The following ASTN2 variants were observed in gnomAD, a reference collection of about 807,000 sequenced individuals.
ASTN2 encodes the protein astrotactin 2, also known as astrotactin-2.
A neutral mutation model predicts 139.8 loss-of-function variants in ASTN2; 54 were observed. The ratio of observed to expected loss-of-function variants is 0.39; its 90% CI spans 0.31 to 0.48. ASTN2 has a LOEUF of 0.48. ASTN2 is among the 20% of genes least tolerant of loss of function. ASTN2 has a pLI of 0.95. For synonymous variants in ASTN2, 756 were observed against 719.5 expected (o/e 1.05, Z -0.81); for missense variants, 1,565 against 1,725.1 (o/e 0.91, Z 1.64).
intron 3 of ASTN2, among the ~76,000 whole-genome samples, chr9:117,165,781 A>C (rs189459838): frequency 2.2e-4 from 33 of 152,228 alleles, no homozygotes; most frequent in African/African-American, 7.7e-4. Flanking sequence ...TCTACTGTCC[A>C]TGTCTATCAA....
chr9:116,511,108 T>A (rs1850355689), intron 19 of ASTN2, among the ~76,000 whole-genome samples: 1 of 152,218 alleles, frequency 6.6e-6, no homozygotes, highest in South Asian at 2.1e-4. Context: ...CTTCCATTTT[T>A]TGCCCATTCA....
chr9:117,186,269 G>A (rs966308306), intron 3 of ASTN2, among the ~76,000 whole-genome samples: 5 of 152,192 alleles, frequency 3.3e-5, no homozygotes, highest in East Asian at 3.9e-4. Flanking sequence ...AATCCTGGCC[G>A]GGCGCGGTGG....
chr9:117,020,139 A>T (rs1288182621), intron 6 of ASTN2, among the ~76,000 whole-genome samples: 1 of 151,658 alleles, frequency 6.6e-6, no homozygotes, highest in Non-Finnish European at 1.5e-5. Context: ...AGGAATAGGA[A>T]AGAGGGTATA....
At chr9:116,477,185 A>G (rs1047067080) in intron 20 of ASTN2, among the ~76,000 whole-genome samples, 1 of 152,050 alleles carries the variant, frequency 6.6e-6, no homozygotes, top group Non-Finnish European at 1.5e-5. Context: ...TAGGAGCCTC[A>G]CTGTCTGTCG....
intron 13 of ASTN2, among the ~76,000 whole-genome samples, chr9:116,774,242 G>T (rs1038291462): frequency 6.6e-6 from 1 of 152,074 alleles, no homozygotes; most frequent in African/African-American, 2.4e-5. Context: ...TTGTACATGA[G>T]GACTCTGGAG....
chr9:116,884,816 C>T (rs1437758156), intron 10 of ASTN2, among the ~76,000 whole-genome samples: 1 of 134,938 alleles, frequency 7.4e-6, no homozygotes, highest in Non-Finnish European at 1.6e-5. Flanking sequence ...CCCCCCCCAC[C>T]CACTTTTTTT....
rs746325953 is a variant in ASTN2 at position 117,227,359 on chromosome 9, T to C, written c.631-12617A>G. Among the ~76,000 whole-genome samples the C allele has an allele frequency of 7.7e-4, 117 of 152,236 alleles. 1 individual carries two copies. Among genetic ancestry groups the C allele is most frequent in the Non-Finnish European group, 1.5e-4 (10 of 68,038 alleles). ...TTAATAGAATGGAGCTTCCATAATGTAGGGCCTTTTGTTTTGTTCATTACT... is the reference window on the plus strand; with the variant it reads ...TTAATAGAATGGAGCTTCCATAATGCAGGGCCTTTTGTTTTGTTCATTACT... On this transcript the variant is annotated intron_variant, in intron 2 of 22. Coordinates refer to ENST00000313400, the MANE Select transcript of ASTN2 (RefSeq NM_001365068.1).
intron 4 of ASTN2, among the ~76,000 whole-genome samples, chr9:117,121,453 A>C (rs182116827): frequency 2.0e-5 from 3 of 152,210 alleles, no homozygotes; most frequent in Non-Finnish European, 2.9e-5. Context: ...CCAGGAAGGA[A>C]GCAGAATGCT....
chr9:116,446,223 G>C (rs1469029479), intron 20 of ASTN2, among the ~76,000 whole-genome samples: 1 of 150,076 alleles, frequency 6.7e-6, no homozygotes, highest in Non-Finnish European at 1.5e-5. Context: ...GCCAGGGACA[G>C]AGAGAGACAG....
chr9:116,442,773 A>C (rs1174322366), intron 20 of ASTN2, among the ~76,000 whole-genome samples: 2 of 152,262 alleles, frequency 1.3e-5, no homozygotes, highest in African/African-American at 4.8e-5. Context: ...CTTGTCAATG[A>C]GGACACTGAG....
intron 6 of ASTN2, among the ~76,000 whole-genome samples, chr9:117,035,489 T>C (rs1428129299): frequency 6.6e-6 from 1 of 152,166 alleles, no homozygotes; most frequent in South Asian, 2.1e-4. Context: ...AATACCCTCA[T>C]ATCTCCAGAA....
At chr9:116,881,275 C>T (rs1833444448) in intron 10 of ASTN2, among the ~76,000 whole-genome samples, 1 of 152,228 alleles carries the variant, frequency 6.6e-6, no homozygotes, top group South Asian at 2.1e-4. Flanking sequence ...AGGTGGATCT[C>T]ATTACCTCAT....
At position 117,340,828 on chromosome 9, in the gene ASTN2, T is replaced by G. The variant is rs75858520; in HGVS notation, c.443-49315A>C. On this transcript the variant is annotated intron_variant, in intron 1 of 22. Transcript: ENST00000313400. ...CCCCGGTCCCAGTTCCAACAGTGAT[T>G]CATGGTGTGACCTTGTGCAATGCCC... Among the ~76,000 whole-genome samples, 205 of 152,282 alleles carry G rather than the reference T, an allele frequency of 1.3e-3. 1 individual carries two copies. The highest frequency in any genetic ancestry group is 4.8e-3 in the African/African-American group (199 of 41,566).
At chr9:116,803,483 T>C (rs1402551370) in intron 13 of ASTN2, among the ~76,000 whole-genome samples, 3 of 17,066 alleles carry the variant, frequency 1.8e-4, no homozygotes, top group South Asian at 3.0e-3. Flanking sequence ...GTTCGAATAA[T>C]ATATATATAT....
chr9:117,044,585 A>G (rs1333126157), intron 5 of ASTN2, among the ~76,000 whole-genome samples: 1 of 152,194 alleles, frequency 6.6e-6, no homozygotes, highest in Non-Finnish European at 1.5e-5. Flanking sequence ...TATCTCTCCC[A>G]TAATACTCAC....
At chr9:116,557,223 CAAAAAAAAAAAAAAAAA>C (rs60756690) in intron 19 of ASTN2, among the ~76,000 whole-genome samples, 2 of 53,594 alleles carry the variant, frequency 3.7e-5, no homozygotes, top group African/African-American at 7.5e-5. Flanking sequence ...GACTCTGTCT[CAAAAAAAAAAAAAAAAA>C]AAAAAAAAAG....
At chr9:117,283,296 A>G (rs1587909600) in intron 2 of ASTN2, among the ~76,000 whole-genome samples, 1 of 152,118 alleles carries the variant, frequency 6.6e-6, no homozygotes, top group South Asian at 2.1e-4. Context: ...CTAGCTAGAG[A>G]CCCTGCAGGC....
At chr9:116,993,034 A>G (rs886777469) in intron 7 of ASTN2, among the ~76,000 whole-genome samples, 2 of 152,062 alleles carry the variant, frequency 1.3e-5, no homozygotes, top group South Asian at 4.1e-4. Context: ...TGTTTCCTCA[A>G]TAGAGATGCC....
chr9:117,301,221 C>T (rs1292133460), intron 1 of ASTN2, among the ~76,000 whole-genome samples: 4 of 152,096 alleles, frequency 2.6e-5, no homozygotes, highest in South Asian at 2.1e-4. Context: ...TCATGATATG[C>T]CCTTGGTTTC....
Sources: gnomAD v4.1 joint callset for allele counts (sites outside exome capture counted in the v4.1 genomes callset) on GRCh38, gnomAD v4.1.1 for gene constraint, MANE v1.5 for transcripts, NCBI Gene and HGNC (gene_info 2026-07-23, HGNC 2026-07-21) for gene names.